MDGA2: variants seen among roughly 807,000 people sequenced by gnomAD.
MDGA2 encodes the protein MAM domain-containing glycosylphosphatidylinositol anchor protein 2.
MDGA2 carries 40 observed loss-of-function variants against 117.8 expected under a neutral mutation model. The ratio of observed to expected loss-of-function variants is 0.34; its 90% CI spans 0.26 to 0.44. MDGA2 has a LOEUF of 0.44. MDGA2 is among the 20% of genes least tolerant of loss of function. The pLI is 1.00. For synonymous variants in MDGA2, 452 were observed against 439.0 expected (o/e 1.03, Z -0.37); for missense variants, 1,123 against 1,250.6 (o/e 0.90, Z 1.54).
At chr14:47,035,387 AT>A (rs1888809606) in intron 7 of MDGA2, 83 bp from the exon 8 acceptor site, 5 of 1,114,946 alleles carry the variant, frequency 4.5e-6, no homozygotes, top group Non-Finnish European at 6.4e-6. Flanking sequence ...TAAGGAAACA[AT>A]TTCTGCTGGC....
intron 1 of MDGA2, among the ~76,000 whole-genome samples, chr14:47,314,666 A>G (rs1348474545): frequency 6.6e-6 from 1 of 152,058 alleles, no homozygotes; most frequent in Non-Finnish European, 1.5e-5. Flanking sequence ...TGACAGCAAG[A>G]TTCTGTCTCA....
chr14:47,366,034 GA>G (rs1594819051), intron 1 of MDGA2, among the ~76,000 whole-genome samples: 1 of 152,072 alleles, frequency 6.6e-6, no homozygotes, highest in Non-Finnish European at 1.5e-5. Context: ...ATGTATGAAG[GA>G]AAAAGAAAAG....
intron 2 of MDGA2, among the ~76,000 whole-genome samples, chr14:47,277,895 G>C (rs1258008498): frequency 6.6e-6 from 1 of 152,094 alleles, no homozygotes; most frequent in Non-Finnish European, 1.5e-5. Context: ...CCCTAAGTAA[G>C]AATTTCTTTA....
intron 1 of MDGA2, among the ~76,000 whole-genome samples, chr14:47,667,345 AT>A (rs1897993960): frequency 6.6e-6 from 1 of 152,172 alleles, no homozygotes; most frequent in South Asian, 2.1e-4. Context: ...AAAAGACGGA[AT>A]GCTCCAATGA....
At chr14:47,048,235 C>T (rs1259355596) in intron 7 of MDGA2, among the ~76,000 whole-genome samples, 1 of 151,966 alleles carries the variant, frequency 6.6e-6, no homozygotes, top group Non-Finnish European at 1.5e-5. Context: ...TTATAAGGAA[C>T]TGTCTGATCA....
At chr14:47,578,476 C>T (rs139563132) in intron 1 of MDGA2, among the ~76,000 whole-genome samples, 320 of 152,064 alleles carry the variant, frequency 2.1e-3, no homozygotes, top group Non-Finnish European at 2.2e-3. Flanking sequence ...TACACAATGT[C>T]CCAAAAGTAT....
intron 1 of MDGA2, among the ~76,000 whole-genome samples, chr14:47,535,480 T>C (rs1449102523): frequency 6.6e-6 from 1 of 152,224 alleles, no homozygotes; most frequent in East Asian, 1.9e-4. Context: ...GAGAGGTAAC[T>C]GGCAGTCATT....
intron 5 of MDGA2, among the ~76,000 whole-genome samples, chr14:47,101,607 G>A (rs892872128): frequency 2.0e-5 from 3 of 152,148 alleles, no homozygotes; most frequent in Non-Finnish European, 4.4e-5. Flanking sequence ...GTCCCACAAT[G>A]GTGGAATGGA....
At chr14:47,275,032 G>A (rs555604253) in intron 2 of MDGA2, among the ~76,000 whole-genome samples, 1 of 152,142 alleles carries the variant, frequency 6.6e-6, no homozygotes, top group South Asian at 2.1e-4. Flanking sequence ...CTTTCTTAAT[G>A]GTCCCATTTG....
chr14:46,992,426 C>A (rs1030332438), intron 8 of MDGA2, among the ~76,000 whole-genome samples: 2 of 152,002 alleles, frequency 1.3e-5, no homozygotes, highest in African/African-American at 4.8e-5. Context: ...TTTTTTAAAT[C>A]TCAGTTTTCT....
At chr14:47,426,384 T>C (rs1892689528) in intron 1 of MDGA2, among the ~76,000 whole-genome samples, 1 of 152,034 alleles carries the variant, frequency 6.6e-6, no homozygotes, top group Non-Finnish European at 1.5e-5. Context: ...CTATATGTTT[T>C]CAGTATGCCC....
At chr14:46,849,620 G>A (rs990325786) in intron 15 of MDGA2, among the ~76,000 whole-genome samples, 15 of 151,734 alleles carry the variant, frequency 9.9e-5, no homozygotes, top group African/African-American at 2.7e-4. Context: ...CTTTGCTGAC[G>A]TTTTCTAGAA....
intron 1 of MDGA2, among the ~76,000 whole-genome samples, chr14:47,563,968 A>T (rs1895869353): frequency 6.6e-6 from 1 of 152,132 alleles, no homozygotes; most frequent in Non-Finnish European, 1.5e-5. Context: ...GAAATCCTTT[A>T]GCACTTGCTT....
At chr14:47,472,304 G>A (rs1893744862) in intron 1 of MDGA2, among the ~76,000 whole-genome samples, 1 of 152,048 alleles carries the variant, frequency 6.6e-6, no homozygotes, top group Admixed American at 6.6e-5. Flanking sequence ...AAACATCATG[G>A]ACTATACTTA....
intron 5 of MDGA2, among the ~76,000 whole-genome samples, chr14:47,098,884 G>T (rs1013884633): frequency 1.3e-5 from 2 of 151,898 alleles, no homozygotes; most frequent in African/African-American, 4.8e-5. Flanking sequence ...GATTTGTATA[G>T]GATGAGTTGT....
intron 9 of MDGA2, among the ~76,000 whole-genome samples, chr14:46,925,810 TTAAA>T (rs1246802024): frequency 1.4e-4 from 21 of 152,096 alleles, no homozygotes; most frequent in Non-Finnish European, 2.2e-4. Flanking sequence ...TTAACTGATC[TTAAA>T]GAAGAAAAAA....
intron 14 of MDGA2, among the ~76,000 whole-genome samples, chr14:46,864,484 G>A (rs1299962657): frequency 4.8e-5 from 7 of 146,110 alleles, no homozygotes; most frequent in African/African-American, 1.7e-4. Flanking sequence ...ACTCCAAATT[G>A]AGAGTTGTAA....
At chr14:47,173,524 C>A (rs970086398) in intron 3 of MDGA2, among the ~76,000 whole-genome samples, 27 of 152,054 alleles carry the variant, frequency 1.8e-4, no homozygotes, top group Non-Finnish European at 2.9e-4. Flanking sequence ...AATTTTCAAC[C>A]CAGAATTTCA....
chr14:47,156,539 C>T (rs772903158), intron 3 of MDGA2, among the ~76,000 whole-genome samples: 2 of 152,090 alleles, frequency 1.3e-5, no homozygotes, highest in Non-Finnish European at 1.5e-5. Flanking sequence ...TTATTAACTG[C>T]GACTGAAGTC....
Sources: gnomAD v4.1 joint callset for allele counts (sites outside exome capture counted in the v4.1 genomes callset) on GRCh38, gnomAD v4.1.1 for gene constraint, MANE v1.5 for transcripts, NCBI Gene and HGNC (gene_info 2026-07-23, HGNC 2026-07-21) for gene names.